The following NCOA1 variants were observed in gnomAD, a reference collection of about 807,000 sequenced individuals.
NCOA1 encodes Hin-2 protein.
A neutral mutation model predicts 150.9 loss-of-function variants in NCOA1; 35 were observed. The observed-to-expected ratio is 0.23, with a 90% CI of 0.18 to 0.31. The LOEUF is 0.31. Among genes scored for constraint, NCOA1 ranks in the 10% least tolerant of loss-of-function variants. The probability of loss-of-function intolerance (pLI) is 1.00; values close to 1 mark genes in which losing one functional copy is unlikely to be tolerated. For synonymous variants in NCOA1, 590 were observed against 630.0 expected, an observed-to-expected ratio of 0.94 and a Z score of 0.95; for missense variants, 1,491 against 1,749.3, an observed-to-expected ratio of 0.85 and a Z score of 2.63.
At chr2:24,702,300 T>G (rs929461598) in intron 11 of NCOA1, among the ~76,000 whole-genome samples, 4 of 152,158 alleles carry the variant, frequency 2.6e-5, no homozygotes, top group Non-Finnish European at 4.4e-5. Flanking sequence ...GGGGTAATTA[T>G]TTTTTCTGTA....
intron 2 of NCOA1, among the ~76,000 whole-genome samples, chr2:24,567,860 C>T (rs930161729): frequency 3.3e-5 from 5 of 152,128 alleles, no homozygotes; most frequent in Admixed American, 1.3e-4. Context: ...AAGCAATTCT[C>T]CTCCTCCCCA....
intron 6 of NCOA1, among the ~76,000 whole-genome samples, chr2:24,668,035 T>C (rs1671508931): frequency 6.6e-6 from 1 of 152,216 alleles, no homozygotes; most frequent in Non-Finnish European, 1.5e-5. Flanking sequence ...TTCACGACTA[T>C]ATCCTCAGTA....
At chr2:24,713,237 T>A (rs944292575) in intron 14 of NCOA1, among the ~76,000 whole-genome samples, 5 of 143,298 alleles carry the variant, frequency 3.5e-5, no homozygotes, top group Non-Finnish European at 5.9e-5. Context: ...ATCTCAAAAA[T>A]AATTAATTAA....
chr2:24,576,149 G>GTTT lies in NCOA1; in HGVS notation c.-259-8316_-259-8314dup, dbSNP rs1183405187. Among the ~76,000 whole-genome samples, 246 of 93,958 alleles carry GTTT rather than the reference G, an allele frequency of 2.6e-3. 8 individuals carry two copies. The highest frequency in any genetic ancestry group is 3.8e-3 in the Non-Finnish European group (186 of 48,834). 61.6% of individuals were successfully genotyped at this position (93,958 alleles called of 152,430 possible). On this transcript the variant is annotated intron_variant, in intron 2 of 22. Coordinates refer to ENST00000348332, the MANE Select transcript of NCOA1 (RefSeq NM_003743.5). ...GAGTTTCAGAAATTATTTGGCCTTTGTTTTTTTTTTTTTGTTTTTTGTTTT... is the reference window on the plus strand; with the variant it reads ...GAGTTTCAGAAATTATTTGGCCTTTGTTTTTTTTTTTTTTTTGTTTTTTGTTTT...
At chr2:24,638,100 C>G (rs773613630) in intron 3 of NCOA1, among the ~76,000 whole-genome samples, 1 of 151,536 alleles carries the variant, frequency 6.6e-6, no homozygotes, top group African/African-American at 2.4e-5. Flanking sequence ...CAACAAATCT[C>G]TCTCTATCCC....
chr2:24,733,247 TA>T (rs1663111509), intron 17 of NCOA1, among the ~76,000 whole-genome samples: 1 of 152,192 alleles, frequency 6.6e-6, no homozygotes, highest in African/African-American at 2.4e-5. Flanking sequence ...GTAGTATTAA[TA>T]TATCTCCCCT....
chr2:24,607,350 A>G (rs1024226550), intron 3 of NCOA1, among the ~76,000 whole-genome samples: 9 of 151,626 alleles, frequency 5.9e-5, no homozygotes, highest in African/African-American at 1.5e-4. Flanking sequence ...TTTTGCATCT[A>G]TGATCAAGAG....
At chr2:24,524,429 G>A (rs1664567078) in intron 1 of NCOA1, among the ~76,000 whole-genome samples, 1 of 152,056 alleles carries the variant, frequency 6.6e-6, no homozygotes, top group African/African-American at 2.4e-5. Flanking sequence ...GAGTAGCTGG[G>A]ACTACAGATG....
At position 24,707,447 on chromosome 2, in the gene NCOA1, T is replaced by A. The variant is rs1673506589; in HGVS notation, c.1977T>A (p.Ser659=). Residue 659 remains serine, a synonymous_variant, in exon 13 of 23, where the codon TCT becomes TCA. Coordinates refer to ENST00000348332, the MANE Select transcript of NCOA1 (RefSeq NM_003743.5). ...DIDTSCKDVL[S]CTGTSNSASA... Reference sequence around the variant, plus strand: ...ACACAAGCTGCAAAGATGTCCTGTCTTGCACAGGCACTTCCAACTCTGCCT... The same window carrying A: ...ACACAAGCTGCAAAGATGTCCTGTCATGCACAGGCACTTCCAACTCTGCCT... 1 of 1,614,226 alleles carries A rather than the reference T, an allele frequency of 6.2e-7. No individual in the cohort carries two copies. The highest frequency in any genetic ancestry group is 8.5e-7 in the Non-Finnish European group (1 of 1,180,034).
At chr2:24,679,501 A>G (rs1261889374) in intron 7 of NCOA1, among the ~76,000 whole-genome samples, 1 of 152,170 alleles carries the variant, frequency 6.6e-6, no homozygotes, top group East Asian at 1.9e-4. Context: ...TTACATTTTA[A>G]TCTTTATAAG....
chr2:24,639,429 T>A (rs188078779), intron 3 of NCOA1, among the ~76,000 whole-genome samples: 113 of 152,232 alleles, frequency 7.4e-4, no homozygotes, highest in African/African-American at 2.6e-3. Flanking sequence ...GTTTTTAACT[T>A]TTTCTTGATC....
chr2:24,598,675 G>A (rs924505995), intron 3 of NCOA1, among the ~76,000 whole-genome samples: 2 of 151,816 alleles, frequency 1.3e-5, no homozygotes, highest in African/African-American at 4.8e-5. Flanking sequence ...TTTAGCTGGA[G>A]AATTAAAAAA....
chr2:24,597,988 C>G (rs1324327912), intron 3 of NCOA1, among the ~76,000 whole-genome samples: 1 of 152,038 alleles, frequency 6.6e-6, no homozygotes, highest in Non-Finnish European at 1.5e-5. Context: ...TCCAAGTGTT[C>G]TCATTGTTCA....
intron 1 of NCOA1, among the ~76,000 whole-genome samples, chr2:24,530,683 T>C (rs1446211700): frequency 6.6e-6 from 1 of 152,202 alleles, no homozygotes; most frequent in African/African-American, 2.4e-5. Context: ...TACTTTAAAA[T>C]GGCAAAGCCC....
chr2:24,551,646 G>A (rs1057279047), intron 1 of NCOA1, among the ~76,000 whole-genome samples: 3 of 152,174 alleles, frequency 2.0e-5, no homozygotes, highest in Non-Finnish European at 4.4e-5. Context: ...CTGCTTTCAT[G>A]CTACAATGGC....
chr2:24,515,126 A>T (rs1199103996), intron 1 of NCOA1, among the ~76,000 whole-genome samples: 5 of 152,206 alleles, frequency 3.3e-5, no homozygotes, highest in East Asian at 3.8e-4. Flanking sequence ...GTTTTCAAAA[A>T]TTTTTTGTTA....
chr2:24,725,210 C>A (rs1178114914), intron 14 of NCOA1, among the ~76,000 whole-genome samples: 2 of 152,076 alleles, frequency 1.3e-5, no homozygotes, highest in African/African-American at 4.8e-5. Context: ...CCTCAATAAG[C>A]TTTCCCTTAA....
chr2:24,752,223 C>A, intron 20 of NCOA1, 67 bp downstream of exon 20: 1 of 1,520,076 alleles, frequency 6.6e-7, no homozygotes, highest in Non-Finnish European at 8.9e-7. Flanking sequence ...CTGATAAATG[C>A]TACAGTGGTT....
intron 3 of NCOA1, among the ~76,000 whole-genome samples, chr2:24,607,514 C>A (rs1199542615): frequency 6.6e-6 from 1 of 152,044 alleles, no homozygotes; most frequent in African/African-American, 2.4e-5. Context: ...ACGGGGAAAC[C>A]CCATCTCTAC....
Sources: allele counts gnomAD v4.1 joint callset (sites outside exome capture counted in the v4.1 genomes callset), GRCh38; gene constraint gnomAD v4.1.1; transcripts MANE v1.5; gene names NCBI Gene and HGNC (gene_info 2026-07-23, HGNC 2026-07-21).